NFRKB: variants seen among roughly 807,000 people sequenced by gnomAD.
NFRKB encodes nuclear factor related to kappaB binding protein, also known as nuclear factor related to kappa-B-binding protein.
A neutral mutation model predicts 135.7 loss-of-function variants in NFRKB; 62 were observed. The observed-to-expected ratio is 0.46, with a 90% CI of 0.37 to 0.56. The LOEUF (loss-of-function observed/expected upper bound fraction) is 0.56. NFRKB is among the 20% of genes least tolerant of loss of function. The pLI is 0.00. For synonymous variants in NFRKB, 678 were observed against 635.6 expected (o/e 1.07, Z -1.00); for missense variants, 1,545 against 1,662.0 (o/e 0.93, Z 1.22).
At chr11:129,883,332 A>G in intron 8 of NFRKB, 126 bp from the exon 9 acceptor site, 2 of 685,794 alleles carry the variant, frequency 2.9e-6, no homozygotes, top group Non-Finnish European at 5.2e-6. Context: ...AGTCAAAAAT[A>G]TAGAGAGATA....
At position 129,873,025 on chromosome 11, in the gene NFRKB, C is replaced by T; in HGVS notation, c.2622G>A (p.Gln874=). 6.2e-7 allele frequency: 1 copy of T among 1,614,178 alleles called. No individual in the cohort carries two copies. Among genetic ancestry groups the T allele is most frequent in the East Asian group, 2.2e-5 (1 of 44,882 alleles). The change falls in exon 23 of 27, where the codon CAG becomes CAA. Residue 874 remains glutamine (Q), a synonymous_variant. Transcript: ENST00000682444. Reference sequence around the variant, plus strand: ...GGAGACTTGTCACCGTGAGCCCTGTCTGCCCGGGTCCAGGCCGCTGCACAG... The same window carrying T: ...GGAGACTTGTCACCGTGAGCCCTGTTTGCCCGGGTCCAGGCCGCTGCACAG... ...AATVQRPGPG[Q]TGLTVTSLPA...
intron 4 of NFRKB, among the ~76,000 whole-genome samples, chr11:129,887,046 T>G (rs569013909): frequency 2.6e-5 from 4 of 152,302 alleles, no homozygotes; most frequent in Admixed American, 6.5e-5. Context: ...TTAGCAGCTG[T>G]CAAGTTGTCA....
intron 3 of NFRKB, among the ~76,000 whole-genome samples, chr11:129,889,606 T>C (rs1949442418): frequency 7.4e-6 from 1 of 134,836 alleles, no homozygotes; most frequent in Non-Finnish European, 1.7e-5. Context: ...ATATATATGG[T>C]CTGAGGTGGG....
chr11:129,868,908 T>C (rs558472961), intron 24 of NFRKB, among the ~76,000 whole-genome samples: 45 of 152,194 alleles, frequency 3.0e-4, no homozygotes, highest in African/African-American at 1.0e-3. Context: ...TAGTCCTAGC[T>C]ACTCAGGAGG....
At chr11:129,867,905 G>A (rs1396467470) in intron 24 of NFRKB, among the ~76,000 whole-genome samples, 1 of 152,172 alleles carries the variant, frequency 6.6e-6, no homozygotes, top group South Asian at 2.1e-4. Flanking sequence ...TCAAGCTAGT[G>A]GGGGAAGCAA....
At chr11:129,893,160 T>G in intron 2 of NFRKB, 2 of 1,005,262 alleles carry the variant, frequency 2.0e-6, no homozygotes, top group Non-Finnish European at 2.7e-6. Context: ...AGACTGAGAA[T>G]AAATGATAAA....
At chr11:129,872,471 T>A (rs1948560275) in intron 23 of NFRKB, 1 of 160,784 alleles carries the variant, frequency 6.2e-6, no homozygotes, top group East Asian at 1.8e-4. Context: ...CCTATCAGTA[T>A]TAGTTGCTAT....
intron 12 of NFRKB, 25 bp downstream of exon 12, chr11:129,881,702 G>T: frequency 6.2e-7 from 1 of 1,611,958 alleles, no homozygotes; most frequent in Non-Finnish European, 8.5e-7. Flanking sequence ...GAAAAATACT[G>T]ACCCTACAAA....
intron 4 of NFRKB, 44 bp from the exon 5 acceptor site, chr11:129,886,488 A>G (rs371687927): frequency 6.1e-5 from 95 of 1,560,854 alleles, no homozygotes; most frequent in Non-Finnish European, 7.9e-5. Context: ...ATCAACAAAT[A>G]TACATCATCA....
rs1415321232 is a variant in NFRKB at position 129,873,899 on chromosome 11, G to A, written c.2396C>T (p.Ser799Phe). The A allele has an allele frequency of 1.9e-6, 3 of 1,614,016 alleles. No individual in the cohort carries two copies. Among genetic ancestry groups the A allele is most frequent in the Non-Finnish European group, 2.5e-6 (3 of 1,180,040 alleles). Residue 799 changes from serine to phenylalanine, a missense_variant, in exon 22 of 27, where the codon TCT (serine) becomes TTT (phenylalanine). By Grantham distance (155) the Ser-to-Phe change is radical. Transcript: ENST00000682444. ...AAARVVSHSG[S>F]AGLSQVRVVA... ...CACTCGCACCTGAGACAGTCCAGCA[G>A]AGCCAGAGTGGCTCACGACCCGGGC...
rs1175685475 is a variant in NFRKB at position 129,873,090 on chromosome 11, T to C, written c.2557A>G (p.Met853Val). The C allele has an allele frequency of 6.2e-7, 1 of 1,604,034 alleles. No individual in the cohort carries two copies. Among genetic ancestry groups the C allele is most frequent in the South Asian group, 1.1e-5 (1 of 90,008 alleles). Reference protein sequence around the residue: ...TQTKVVPQTVMATVPVKAQTT... With the variant: ...TQTKVVPQTVVATVPVKAQTT... ...TGCGCTTTGACGGGCACAGTGGCCA[T>C]TACTGTCTAGTTGAGGGCATGAGGC... Residue 853 changes from methionine to valine, a missense_variant, in exon 23 of 27, where the codon ATG (methionine) becomes GTG (valine). Coordinates refer to ENST00000682444, the MANE Select transcript of NFRKB (RefSeq NM_001143835.2).
intron 13 of NFRKB, 130 bp from the exon 14 acceptor site, chr11:129,878,673 A>G: frequency 1.3e-6 from 1 of 771,518 alleles, no homozygotes; most frequent in East Asian, 2.5e-5. Flanking sequence ...AATCCTTCAC[A>G]CATCCACTGC....
At chr11:129,888,301 A>G (rs570443901) in intron 4 of NFRKB, 11 of 603,470 alleles carry the variant, frequency 1.8e-5, no homozygotes, top group Non-Finnish European at 3.2e-5. Flanking sequence ...AAGACCAGAC[A>G]TGAAGGGCAC....
chr11:129,864,673 C>A lies in NFRKB; in HGVS notation c.*52G>T, dbSNP rs1167215706. 1.9e-6 allele frequency: 3 copies of A among 1,611,740 alleles called. No homozygotes were observed. Among genetic ancestry groups the A allele is most frequent in the African/African-American group, 2.7e-5 (2 of 74,906 alleles). On this transcript the variant is annotated 3_prime_UTR_variant, in exon 27 of 27. Transcript: ENST00000682444. ...TGATGCAACCTCCCTGGTCCCTTCTCAGCCAGGACAGACCAGGCATGGTCT... is the reference window on the plus strand; with the variant it reads ...TGATGCAACCTCCCTGGTCCCTTCTAAGCCAGGACAGACCAGGCATGGTCT...
intron 7 of NFRKB, among the ~76,000 whole-genome samples, chr11:129,884,391 C>A (rs142525826): frequency 1.2e-4 from 18 of 152,278 alleles, no homozygotes; most frequent in Non-Finnish European, 2.4e-4. Flanking sequence ...CTGTTCCAAA[C>A]AAAAACTCTT....
intron 3 of NFRKB, among the ~76,000 whole-genome samples, chr11:129,889,359 G>A (rs188814909): frequency 6.6e-5 from 10 of 152,178 alleles, no homozygotes; most frequent in Non-Finnish European, 4.4e-5. Flanking sequence ...ATTATCCAGA[G>A]GAAAATCATT....
Position 129,869,846 on chromosome 11 carries a change from A to C in NFRKB, c.3179T>G (p.Leu1060Trp). 2 of 1,614,278 alleles carry C rather than the reference A, an allele frequency of 1.2e-6. No individual in the cohort carries two copies. Among genetic ancestry groups the C allele is most frequent in the Non-Finnish European group, 1.7e-6 (2 of 1,180,052 alleles). Residue 1060 changes from leucine to tryptophan, a missense_variant, in exon 24 of 27, where the codon TTG (leucine) becomes TGG (tryptophan). Physicochemically the swap from Leu to Trp is moderately conservative, Grantham distance 61. Around this residue, in one of 3 missense-constraint regions of NFRKB, gnomAD observed 753 missense variants for 804.3 expected, o/e 0.94. Coordinates refer to ENST00000682444, the MANE Select transcript of NFRKB (RefSeq NM_001143835.2). ...CACACTCACGCCAAGAGCTGGCATC[A>C]AGCGAAAAGCCGAACTTGAGGCTTC... is the stretch of plus-strand genomic sequence containing the variant. ...PTEASSSAFRLMPALGVSVAD... is the reference protein window; with the variant it reads ...PTEASSSAFRWMPALGVSVAD...
chr11:129,886,967 G>A (rs895557048), intron 4 of NFRKB, among the ~76,000 whole-genome samples: 2 of 152,176 alleles, frequency 1.3e-5, no homozygotes, highest in Non-Finnish European at 2.9e-5. Context: ...ACCCACCAAA[G>A]AAGGGAATGT....
At chr11:129,877,249 C>T in intron 16 of NFRKB, 76 bp downstream of exon 16, 1 of 1,400,938 alleles carries the variant, frequency 7.1e-7, no homozygotes, top group Non-Finnish European at 1.0e-6. Context: ...AAGGTAGATG[C>T]AGGAGAGTCA....
Sources: allele counts gnomAD v4.1 joint callset (sites outside exome capture counted in the v4.1 genomes callset), GRCh38; gene constraint gnomAD v4.1.1; regional missense constraint gnomAD v4.1.1; transcripts MANE v1.5; gene names NCBI Gene and HGNC (gene_info 2026-07-23, HGNC 2026-07-21).